Variants in WWC1 observed in about 807,000 individuals in gnomAD.
WWC1 encodes the protein WW and C2 domain containing 1.
A neutral mutation model predicts 138.4 loss-of-function variants in WWC1; 55 were observed. The ratio of observed to expected loss-of-function variants is 0.40; its 90% CI spans 0.32 to 0.50. The LOEUF (loss-of-function observed/expected upper bound fraction) is 0.50. WWC1 is among the 20% of genes least tolerant of loss of function. The probability of loss-of-function intolerance (pLI) is 0.72; values close to 1 mark genes in which losing one functional copy is unlikely to be tolerated. For synonymous variants in WWC1, 524 were observed against 564.9 expected (o/e 0.93, Z 1.03); for missense variants, 1,226 against 1,420.4 (o/e 0.86, Z 2.20).
chr5:168,367,578 C>T (rs1023545954), intron 1 of WWC1, among the ~76,000 whole-genome samples: 1 of 151,906 alleles, frequency 6.6e-6, no homozygotes, highest in Non-Finnish European at 1.5e-5. Flanking sequence ...CTCGGCCTCC[C>T]AAAGTGCTGG....
In WWC1 at chr5:168,470,523, C is replaced by CAAA. The variant is rs79016875; in HGVS notation, c.*1520_*1522dup. ...TGGGTGACAGAGCAAGACTCCGTCT[C>CAAA]AAAAAAAAAAAAAAAAGAAAAATGC... is the stretch of plus-strand genomic sequence containing the variant. On this transcript the variant is annotated 3_prime_UTR_variant, in exon 23 of 23. Coordinates refer to ENST00000265293, the MANE Select transcript of WWC1 (RefSeq NM_015238.3). 3.5e-5 allele frequency: 3 copies of CAAA among 85,638 alleles called. No individual in the cohort carries two copies. Among genetic ancestry groups the CAAA allele is most frequent in the Non-Finnish European group, 4.8e-5 (2 of 41,784 alleles). The allele number at this position is 85,638 out of a possible 1,614,324, so 5.3% of individuals were successfully genotyped here.
At chr5:168,345,814 G>T (rs1315992435) in intron 1 of WWC1, among the ~76,000 whole-genome samples, 1 of 152,146 alleles carries the variant, frequency 6.6e-6, no homozygotes, top group Non-Finnish European at 1.5e-5. Context: ...GATCATCTAA[G>T]TGCAGGAATC....
chr5:168,346,467 C>T (rs556270038), intron 1 of WWC1, among the ~76,000 whole-genome samples: 4 of 152,150 alleles, frequency 2.6e-5, no homozygotes, highest in Admixed American at 6.5e-5. Flanking sequence ...AAAATCTGTC[C>T]AGTGCCCCAA....
intron 1 of WWC1, among the ~76,000 whole-genome samples, chr5:168,360,363 A>G (rs1775794537): frequency 6.6e-6 from 1 of 152,168 alleles, no homozygotes; most frequent in Non-Finnish European, 1.5e-5. Context: ...TGCTTTTATT[A>G]TTATTATTGC....
At chr5:168,447,288 C>T (rs750430384) in intron 17 of WWC1, among the ~76,000 whole-genome samples, 13 of 152,168 alleles carry the variant, frequency 8.5e-5, no homozygotes, top group South Asian at 2.1e-4. Context: ...TCTCAGGCGG[C>T]GCCCTCCCGT....
chr5:168,348,464 G>T (rs570943827), intron 1 of WWC1, among the ~76,000 whole-genome samples: 1 of 152,206 alleles, frequency 6.6e-6, no homozygotes, highest in African/African-American at 2.4e-5. Context: ...ACACATCATT[G>T]TCCCTCTCCC....
intron 1 of WWC1, among the ~76,000 whole-genome samples, chr5:168,314,078 C>T (rs34509932): frequency 0.35 from 52,944 of 152,086 alleles, 9,607 homozygotes; most frequent in Admixed American, 0.41. Context: ...TGAGGGCCAG[C>T]CAGAGGTGGG....
chr5:168,318,251 A>G (rs1485937437), intron 1 of WWC1, among the ~76,000 whole-genome samples: 1 of 152,136 alleles, frequency 6.6e-6, no homozygotes, highest in African/African-American at 2.4e-5. Flanking sequence ...CCTTAATTAC[A>G]ATAATAAAGG....
At chr5:168,395,607 C>G (rs1778839224) in intron 3 of WWC1, among the ~76,000 whole-genome samples, 1 of 152,184 alleles carries the variant, frequency 6.6e-6, no homozygotes, top group South Asian at 2.1e-4. Flanking sequence ...ATCCCCAAGT[C>G]TAGCAAAGAC....
chr5:168,451,066 G>A (rs999742013), intron 17 of WWC1, among the ~76,000 whole-genome samples: 2 of 151,670 alleles, frequency 1.3e-5, no homozygotes, highest in Non-Finnish European at 2.9e-5. Flanking sequence ...CCCAGGCTGC[G>A]ATCTCGGCTC....
At chr5:168,432,081 A>G (rs1182428004) in intron 15 of WWC1, among the ~76,000 whole-genome samples, 1 of 151,796 alleles carries the variant, frequency 6.6e-6, no homozygotes, top group Non-Finnish European at 1.5e-5. Flanking sequence ...AGAGTAATGA[A>G]AGCAAACACA....
chr5:168,403,063 TTTCTTTC>T (rs1383171845), intron 5 of WWC1, among the ~76,000 whole-genome samples: 1,876 of 123,500 alleles, frequency 0.015, 70 homozygotes, highest in African/African-American at 0.059. Context: ...TCTTTCTTTC[TTTCTTTC>T]TTTCTTTCTT....
intron 1 of WWC1, among the ~76,000 whole-genome samples, chr5:168,301,691 A>G (rs1770096648): frequency 6.6e-6 from 1 of 152,116 alleles, no homozygotes; most frequent in South Asian, 2.1e-4. Flanking sequence ...CTCAGCTATA[A>G]AACAAGGATA....
intron 1 of WWC1, among the ~76,000 whole-genome samples, chr5:168,322,290 A>G (rs1264284814): frequency 6.6e-6 from 1 of 151,538 alleles, no homozygotes; most frequent in African/African-American, 2.4e-5. Context: ...AAAAAAAAAA[A>G]GTTTAAGAAC....
chr5:168,351,121 T>C (rs1254903912), intron 1 of WWC1, among the ~76,000 whole-genome samples: 1 of 147,212 alleles, frequency 6.8e-6, no homozygotes, highest in Non-Finnish European at 1.5e-5. Context: ...CACTGGAGCC[T>C]GGGCAACAGT....
chr5:168,367,649 G>T (rs771749862), intron 1 of WWC1, among the ~76,000 whole-genome samples: 1 of 152,156 alleles, frequency 6.6e-6, no homozygotes, highest in Non-Finnish European at 1.5e-5. Flanking sequence ...AGCAGAGCTC[G>T]AGTTTTGGAA....
chr5:168,440,434 C>A (rs976382007), intron 15 of WWC1, among the ~76,000 whole-genome samples: 2 of 152,208 alleles, frequency 1.3e-5, no homozygotes, highest in Non-Finnish European at 2.9e-5. Context: ...AATGTAACTA[C>A]CATATGACCT....
intron 15 of WWC1, among the ~76,000 whole-genome samples, chr5:168,440,796 C>T (rs1490580302): frequency 1.3e-5 from 2 of 152,106 alleles, no homozygotes; most frequent in African/African-American, 2.4e-5. Flanking sequence ...GGATTACAGG[C>T]GTGAGCCACC....
rs1170152489 is a variant in WWC1, at chr5:168,463,072, G to A, written c.2917-1657G>A. On this transcript the variant is annotated intron_variant, in intron 20 of 22. Transcript: ENST00000265293. Reference sequence around the variant, plus strand: ...GTCTTATGGTAATGCTTCTTATACTGTGTCTGAAATCTCTGTATTGGTCAT... The same window carrying A: ...GTCTTATGGTAATGCTTCTTATACTATGTCTGAAATCTCTGTATTGGTCAT... 3.3e-5 allele frequency among the ~76,000 whole-genome samples: 5 copies of A among 152,302 alleles called. No individual in the cohort carries two copies. The East Asian group carries it at 9.6e-4, about 29-fold the overall frequency.
Sources: gnomAD v4.1 joint callset for allele counts (sites outside exome capture counted in the v4.1 genomes callset) on GRCh38, gnomAD v4.1.1 for gene constraint, MANE v1.5 for transcripts, NCBI Gene and HGNC (gene_info 2026-07-23, HGNC 2026-07-21) for gene names.